Variants in PSD3 observed in about 807,000 individuals in gnomAD.
PSD3 encodes PH and SEC7 domain-containing protein 3.
PSD3 carries 49 observed loss-of-function variants against 105.5 expected under a neutral mutation model. The ratio of observed to expected loss-of-function variants is 0.46; its 90% CI spans 0.37 to 0.59. The LOEUF (loss-of-function observed/expected upper bound fraction) is 0.59, where lower values mean the gene tolerates loss of function less well. PSD3 is among the 20% of genes least tolerant of loss of function. The pLI is 0.00. For synonymous variants in PSD3, 557 were observed against 457.8 expected, an observed-to-expected ratio of 1.22 and a Z score of -2.77; for missense variants, 1,561 against 1,263.8, an observed-to-expected ratio of 1.24 and a Z score of -3.57.
At chr8:18,874,702 C>CAAAAAA (rs746055038) in intron 2 of PSD3, among the ~76,000 whole-genome samples, 17 of 52,812 alleles carry the variant, frequency 3.2e-4, no homozygotes, top group African/African-American at 1.1e-3. Context: ...GACTCCATCT[C>CAAAAAA]AAAAAAAAAA....
intron 12 of PSD3, among the ~76,000 whole-genome samples, chr8:18,595,973 G>C (rs914871601): frequency 3.9e-5 from 6 of 151,930 alleles, no homozygotes; most frequent in Middle Eastern, 3.2e-3. Context: ...AGTGCACATG[G>C]AACATTCTCT....
At chr8:19,034,920 G>A (rs1415452419) in intron 1 of PSD3, among the ~76,000 whole-genome samples, 2 of 151,810 alleles carry the variant, frequency 1.3e-5, no homozygotes, top group Admixed American at 6.6e-5. Context: ...GACTAACCAC[G>A]AACAGATCCC....
intron 2 of PSD3, among the ~76,000 whole-genome samples, chr8:18,929,139 T>C (rs1821573871): frequency 6.6e-6 from 1 of 152,178 alleles, no homozygotes; most frequent in Admixed American, 6.5e-5. Flanking sequence ...TTTTAAAGTA[T>C]TCAGCCTTCT....
chr8:19,025,029 C>A (rs1212300097), intron 1 of PSD3, among the ~76,000 whole-genome samples: 2 of 152,112 alleles, frequency 1.3e-5, no homozygotes, highest in Admixed American at 6.5e-5. Flanking sequence ...TTCCAAGCAG[C>A]AGTCTCATGA....
At chr8:18,562,462 T>C (rs1301667435) in intron 14 of PSD3, among the ~76,000 whole-genome samples, 1 of 152,228 alleles carries the variant, frequency 6.6e-6, no homozygotes, top group African/African-American at 2.4e-5. Context: ...ATTGTCTTAC[T>C]TGACAGATCA....
rs146849827 is a variant in PSD3 at position 18,885,901 on chromosome 8, C to T, written c.131-13168G>A. ...CTGTTACAAACTTCCAGTAAAGATT[C>T]TATCTCAGCCTCAACTAGCGTGTTT... On this transcript the variant is annotated intron_variant, in intron 2 of 15. Coordinates refer to ENST00000327040, the MANE Select transcript of PSD3 (RefSeq NM_015310.4). Among the ~76,000 whole-genome samples, 484 of 152,278 alleles carry T rather than the reference C, an allele frequency of 3.2e-3. 4 individuals carry two copies. Among genetic ancestry groups the T allele is most frequent in the African/African-American group, 0.011 (475 of 41,546 alleles).
At chr8:18,624,286 T>A (rs1806326061) in intron 11 of PSD3, among the ~76,000 whole-genome samples, 1 of 152,112 alleles carries the variant, frequency 6.6e-6, no homozygotes, top group Non-Finnish European at 1.5e-5. Flanking sequence ...TTTTAATTTT[T>A]GTCAAGGTAA....
At chr8:18,838,671 G>A (rs1468806194) in intron 4 of PSD3, among the ~76,000 whole-genome samples, 1 of 151,588 alleles carries the variant, frequency 6.6e-6, no homozygotes, top group Non-Finnish European at 1.5e-5. Flanking sequence ...CGTGGTGGCG[G>A]GCACCTGTAG....
At chr8:18,865,286 ATTTTTTTTTTTTT>A (rs375872604) in intron 4 of PSD3, 1 of 14,136 alleles carries the variant, frequency 7.1e-5, no homozygotes, top group African/African-American at 3.1e-4. Flanking sequence ...ATATATATAT[ATTTTTTTTTTTTT>A]TTTTTTTTTT....
At chr8:19,013,741 G>C, upstream of PSD3, 1 of 453,572 alleles carries the variant, frequency 2.2e-6, no homozygotes, top group Non-Finnish European at 3.1e-6. Flanking sequence ...GCGGAGGCTG[G>C]CGAGGCTGCG....
intron 9 of PSD3, among the ~76,000 whole-genome samples, chr8:18,755,137 C>T (rs573980269): frequency 6.6e-6 from 1 of 152,168 alleles, no homozygotes; most frequent in South Asian, 2.1e-4. Flanking sequence ...TTTAAACATG[C>T]TCCAAACAAG....
rs1799631855 is a variant in PSD3 at position 18,531,532 on chromosome 8, A to G, written c.*4211T>C. The G allele has an allele frequency of 6.6e-6, 1 of 152,272 alleles. No homozygotes were observed. 9.4% of individuals were successfully genotyped at this position (152,272 alleles called of 1,614,324 possible). A position where few individuals can be genotyped will look rare whatever the true frequency, so the allele number is the denominator to read the frequency against. The stretch of plus-strand genomic sequence containing the variant: ...TTCTGTGATGATTTGATCATGTAAG[A>G]TGCTATAAGACTGGTGGAAAGAAAT... On this transcript the variant is annotated 3_prime_UTR_variant, in exon 16 of 16. Coordinates refer to ENST00000327040, the MANE Select transcript of PSD3 (RefSeq NM_015310.4).
In PSD3 at chr8:18,896,452, C is replaced by T. The variant is rs750737303; in HGVS notation, c.131-23719G>A. On this transcript the variant is annotated intron_variant, in intron 2 of 15. Transcript: ENST00000327040. ...TTTTTGAGACAGGGTCTCGCTCTGTCGTTCAGGCTGCAGTGCACTGGTGCA... is the reference window on the plus strand; with the variant it reads ...TTTTTGAGACAGGGTCTCGCTCTGTTGTTCAGGCTGCAGTGCACTGGTGCA... Among the ~76,000 whole-genome samples, 8 of 152,180 alleles carry T rather than the reference C, an allele frequency of 5.3e-5. No individual in the cohort carries two copies. In the East Asian group the frequency reaches 9.6e-4, roughly 18 times the overall value.
At chr8:18,866,250 GC>G in intron 4 of PSD3, among the ~76,000 whole-genome samples, 1 of 152,240 alleles carries the variant, frequency 6.6e-6, no homozygotes, top group Middle Eastern at 3.4e-3. Flanking sequence ...GAGGAGCACC[GC>G]CTCACGGGGA....
chr8:18,983,761 C>T (rs907781798), intron 1 of PSD3, among the ~76,000 whole-genome samples: 7 of 151,702 alleles, frequency 4.6e-5, no homozygotes, highest in Middle Eastern at 3.4e-3. Flanking sequence ...CATTTTGGGA[C>T]GCTGAGGCAA....
At chr8:18,640,523 C>T (rs1340688099) in intron 10 of PSD3, among the ~76,000 whole-genome samples, 3 of 152,270 alleles carry the variant, frequency 2.0e-5, no homozygotes, top group Admixed American at 6.5e-5. Flanking sequence ...TAAGGCCCTT[C>T]ACCTTCACTT....
intron 9 of PSD3, among the ~76,000 whole-genome samples, chr8:18,747,650 G>C (rs945354299): frequency 6.6e-6 from 1 of 152,146 alleles, no homozygotes; most frequent in Admixed American, 6.5e-5. Context: ...ATTATGGCTG[G>C]ATAGTGACAA....
At chr8:18,612,253 T>G (rs918421331) in intron 11 of PSD3, among the ~76,000 whole-genome samples, 5 of 152,224 alleles carry the variant, frequency 3.3e-5, no homozygotes, top group African/African-American at 4.8e-5. Flanking sequence ...GATTCTTGCT[T>G]GAATAAACTC....
chr8:18,541,596 C>G (rs1800152097), intron 15 of PSD3, among the ~76,000 whole-genome samples: 1 of 152,164 alleles, frequency 6.6e-6, no homozygotes, highest in Non-Finnish European at 1.5e-5. Flanking sequence ...CTCTTGACCT[C>G]TGTTGTCAAG....
Sources: gnomAD v4.1 joint callset for allele counts (sites outside exome capture counted in the v4.1 genomes callset) on GRCh38, gnomAD v4.1.1 for gene constraint, MANE v1.5 for transcripts, NCBI Gene and HGNC (gene_info 2026-07-23, HGNC 2026-07-21) for gene names.